ARHGAP17: variants seen among roughly 807,000 people sequenced by gnomAD.
ARHGAP17 encodes the protein rho GTPase-activating protein 17.
In ARHGAP17, 57 loss-of-function variants were observed where a neutral mutation model predicts 99.5. The ratio of observed to expected loss-of-function variants is 0.57; its 90% CI spans 0.46 to 0.71. The LOEUF is 0.71. Ranked by LOEUF, ARHGAP17 falls within the 30% of genes least tolerant of loss-of-function variation. The pLI, the probability that ARHGAP17 is intolerant of heterozygous loss-of-function variation, is 0.00. For missense variants in ARHGAP17, 1,000 were observed against 1,122.4 expected (o/e 0.89, Z 1.56); for synonymous variants, 417 against 429.6 (o/e 0.97, Z 0.36).
chr16:24,954,623 C>G lies in ARHGAP17; in HGVS notation c.832G>C (p.Glu278Gln). 1 of 1,613,928 alleles carries G rather than the reference C, an allele frequency of 6.2e-7. No homozygotes were observed. The highest frequency in any genetic ancestry group is 2.2e-5 in the East Asian group (1 of 44,878). The change falls in exon 10 of 20, where the codon GAG (glutamate) becomes CAG (glutamine). Residue 278 changes from glutamate (E) to glutamine (Q), a missense_variant. Glu to Gln is a conservative substitution (Grantham distance 29). Coordinates refer to ENST00000289968, the MANE Select transcript of ARHGAP17 (RefSeq NM_001006634.3). Reference sequence around the variant, plus strand: ...CTCACCTCCTCCTTCATGCCTGTCTCCAGAAGCAGCATGACACAGGCTTCA... The same window carrying G: ...CTCACCTCCTCCTTCATGCCTGTCTGCAGAAGCAGCATGACACAGGCTTCA... ...PIEACVMLLL[E>Q]TGMKEEGLFR...
intron 19 of ARHGAP17, among the ~76,000 whole-genome samples, chr16:24,922,623 C>G (rs2050745490): frequency 6.6e-6 from 1 of 152,090 alleles, no homozygotes; most frequent in South Asian, 2.1e-4. Flanking sequence ...TTACGGCAAC[C>G]TGTACAGAAC....
chr16:24,991,099 T>C (rs9924421), intron 1 of ARHGAP17, among the ~76,000 whole-genome samples: 67,873 of 152,022 alleles, frequency 0.45, 15,670 homozygotes, highest in African/African-American at 0.56. Flanking sequence ...GATAAGAATG[T>C]AGGATACAGT....
At chr16:24,921,235 A>C (rs2050712583) in intron 19 of ARHGAP17, among the ~76,000 whole-genome samples, 1 of 152,226 alleles carries the variant, frequency 6.6e-6, no homozygotes. Flanking sequence ...AATTAAGACA[A>C]AAGGGCTGGC....
intron 19 of ARHGAP17, among the ~76,000 whole-genome samples, chr16:24,925,127 C>A (rs933175035): frequency 6.6e-6 from 1 of 152,118 alleles, no homozygotes; most frequent in Non-Finnish European, 1.5e-5. Flanking sequence ...GCCTGTAATC[C>A]TAGCACTTTG....
intron 1 of ARHGAP17, among the ~76,000 whole-genome samples, chr16:25,014,232 A>G (rs1176435744): frequency 6.6e-6 from 1 of 152,232 alleles, no homozygotes; most frequent in African/African-American, 2.4e-5. Flanking sequence ...AAATCAAAAG[A>G]AGAGCTGTGA....
At chr16:24,968,457 C>T (rs1023278110) in intron 5 of ARHGAP17, 30 bp from the exon 6 acceptor site, 4 of 1,611,068 alleles carry the variant, frequency 2.5e-6, no homozygotes, top group Non-Finnish European at 3.4e-6. Flanking sequence ...AAATGGGATG[C>T]ACTTCAGGGC....
rs181966914 is a variant in ARHGAP17 at position 25,005,937 on chromosome 16, A to G, written c.53+9272T>C. 5.4e-4 allele frequency among the ~76,000 whole-genome samples: 82 copies of G among 152,336 alleles called. 1 individual carries two copies. The East Asian group carries it at 0.015, about 29-fold the overall frequency. ...TTATCATCTTAGGAGACAACCTGGC[A>G]ATACTGTCATGATATAAACATTAAT... On this transcript the variant is annotated intron_variant, in intron 1 of 19. Transcript: ENST00000289968.
At chr16:24,938,902 A>G (rs2051226001) in intron 17 of ARHGAP17, among the ~76,000 whole-genome samples, 1 of 152,202 alleles carries the variant, frequency 6.6e-6, no homozygotes, top group Non-Finnish European at 1.5e-5. Flanking sequence ...TCATGTGCCT[A>G]GCACATATCA....
chr16:24,959,211 A>G (rs1039136408), intron 9 of ARHGAP17, among the ~76,000 whole-genome samples: 2 of 152,252 alleles, frequency 1.3e-5, no homozygotes, highest in African/African-American at 4.8e-5. Context: ...ATTCAATCAC[A>G]CTTATTATTA....
At chr16:24,967,373 G>A (rs2052218628) in intron 6 of ARHGAP17, among the ~76,000 whole-genome samples, 1 of 152,332 alleles carries the variant, frequency 6.6e-6, no homozygotes, top group Non-Finnish European at 1.5e-5. Context: ...TGCAGCACCA[G>A]AAAGATTTAC....
chr16:24,956,901 C>T lies in ARHGAP17; in HGVS notation c.725-2171G>A, dbSNP rs1372752423. On this transcript the variant is annotated intron_variant, in intron 9 of 19. Coordinates refer to ENST00000289968, the MANE Select transcript of ARHGAP17 (RefSeq NM_001006634.3). Reference sequence around the variant, plus strand: ...CATTGGCTTCAGCTGTCGGAGAAGGCTTCTCAAAGGAAATGAGGTTGGAGG... The same window carrying T: ...CATTGGCTTCAGCTGTCGGAGAAGGTTTCTCAAAGGAAATGAGGTTGGAGG... 2.6e-5 allele frequency: 4 copies of T among 152,198 alleles called. No individual in the cohort carries two copies. In the South Asian group the frequency reaches 8.3e-4, roughly 31 times the overall value. 9.4% of individuals were successfully genotyped at this position (152,198 alleles called of 1,614,324 possible).
At chr16:25,000,349 C>A (rs543666715) in intron 1 of ARHGAP17, among the ~76,000 whole-genome samples, 2 of 152,138 alleles carry the variant, frequency 1.3e-5, no homozygotes, top group African/African-American at 4.8e-5. Flanking sequence ...CACACACAGA[C>A]GCACGAGGTG....
At chr16:24,993,231 T>C (rs2053100627) in intron 1 of ARHGAP17, among the ~76,000 whole-genome samples, 1 of 152,184 alleles carries the variant, frequency 6.6e-6, no homozygotes, top group South Asian at 2.1e-4. Context: ...TGAAAGCACT[T>C]TTACCTATAT....
intron 2 of ARHGAP17, among the ~76,000 whole-genome samples, chr16:24,978,170 C>A (rs1186104549): frequency 6.6e-6 from 1 of 152,136 alleles, no homozygotes; most frequent in African/African-American, 2.4e-5. Context: ...CATTCATTTG[C>A]CACCAGAGAA....
chr16:24,992,126 C>G (rs1176889047), intron 1 of ARHGAP17, among the ~76,000 whole-genome samples: 1 of 152,054 alleles, frequency 6.6e-6, no homozygotes, highest in Non-Finnish European at 1.5e-5. Flanking sequence ...AAAGGCTTTG[C>G]CTGCCATGGA....
intron 9 of ARHGAP17, chr16:24,957,132 C>T (rs2051832963): frequency 2.0e-5 from 3 of 152,502 alleles, no homozygotes; most frequent in East Asian, 3.9e-4. Flanking sequence ...ATGGACAGAA[C>T]CCAGGCACTG....
chr16:25,015,244 G>C lies in ARHGAP17; in HGVS notation c.18C>G (p.Asn6Lys). The change falls in exon 1 of 20, where the codon AAC becomes AAG. Residue 6 changes from asparagine (N) to lysine (K), a missense_variant. Physicochemically the swap from Asn to Lys is moderately conservative, Grantham distance 94 (BLOSUM62 0). Transcript: ENST00000289968. ...TCTGGTTAGCCAGCTGCTTCATGCG[G>C]TTGAACTGCTTCTTCATGGCGGCGG... MKKQF[N>K]RMKQLANQTV... 1 of 1,361,810 alleles carries C rather than the reference G, an allele frequency of 7.3e-7. No individual in the cohort carries two copies. Among genetic ancestry groups the C allele is most frequent in the East Asian group, 3.2e-5 (1 of 31,602 alleles). 84.4% of individuals were successfully genotyped at this position (1,361,810 alleles called of 1,614,324 possible).
intron 1 of ARHGAP17, among the ~76,000 whole-genome samples, chr16:25,002,359 T>C (rs145746944): frequency 2.0e-5 from 3 of 152,280 alleles, no homozygotes; most frequent in Admixed American, 2.0e-4. Flanking sequence ...CCAAGGCTGC[T>C]GTCTTAGCCC....
chr16:24,927,160 A>AC (rs1205036461), intron 19 of ARHGAP17, among the ~76,000 whole-genome samples: 1 of 152,124 alleles, frequency 6.6e-6, no homozygotes, highest in East Asian at 1.9e-4. Flanking sequence ...AATCCCAGGT[A>AC]CTCAGGAGGC....
Sources: gnomAD v4.1 joint callset for allele counts (sites outside exome capture counted in the v4.1 genomes callset) on GRCh38, gnomAD v4.1.1 for gene constraint, MANE v1.5 for transcripts, NCBI Gene and HGNC (gene_info 2026-07-23, HGNC 2026-07-21) for gene names.